TBC1D5: variants seen among roughly 807,000 people sequenced by gnomAD.
TBC1D5 encodes the protein TBC1 domain family member 5, also known as TBC1 domain family, member 5.
TBC1D5 carries 75 observed loss-of-function variants against 100.3 expected under a neutral mutation model. The observed-to-expected ratio is 0.75, with a 90% CI of 0.62 to 0.91. The LOEUF is 0.91. Ranked by LOEUF, TBC1D5 falls within the 40% of genes least tolerant of loss-of-function variation. TBC1D5 has a pLI of 0.00. For synonymous variants in TBC1D5, 323 were observed against 325.6 expected (o/e 0.99, Z 0.09); for missense variants, 910 against 942.4 (o/e 0.97, Z 0.45).
chr3:17,206,614 A>C (rs1028663764), intron 18 of TBC1D5, among the ~76,000 whole-genome samples: 1 of 152,200 alleles, frequency 6.6e-6, no homozygotes, highest in Non-Finnish European at 1.5e-5. Context: ...GAATGCACAC[A>C]GGGGTCACAG....
At chr3:17,544,579 A>G (rs1197911834) in intron 2 of TBC1D5, among the ~76,000 whole-genome samples, 1 of 148,584 alleles carries the variant, frequency 6.7e-6, no homozygotes, top group Admixed American at 6.8e-5. Context: ...TGAACCCGCG[A>G]GGCGGAGGTT....
intron 1 of TBC1D5, among the ~76,000 whole-genome samples, chr3:17,693,831 G>A (rs1024056316): frequency 1.6e-4 from 25 of 152,264 alleles, no homozygotes; most frequent in African/African-American, 3.6e-4. Flanking sequence ...TACCAATAGG[G>A]GCCGACAGAC....
chr3:17,166,820 CCTGGCCG>C lies in TBC1D5; in HGVS notation c.2034_2040del (p.Ser678ArgfsTer38), dbSNP rs1292212088. On this transcript the variant is annotated frameshift_variant, in exon 21 of 22. Coordinates refer to ENST00000253692, the Ensembl canonical transcript of TBC1D5. LOFTEE classifies it high-confidence loss of function. ...CTCTGGCCTTGGCCTCGGCCCTGGC[CCTGGCCG>C]CTGGAGCAGTAGTGGTTGTCCGCAA... 6.2e-7 allele frequency: 1 copy of C among 1,614,174 alleles called. No homozygotes were observed. The highest frequency in any genetic ancestry group is 1.7e-5 in the Admixed American group (1 of 60,014).
At chr3:17,498,033 G>C (rs756616680) in intron 3 of TBC1D5, among the ~76,000 whole-genome samples, 54 of 152,048 alleles carry the variant, frequency 3.6e-4, no homozygotes, top group Non-Finnish European at 6.5e-4. Context: ...AAATACTGGA[G>C]ATGTAAAAGA....
chr3:17,699,234 T>A (rs2072714335), intron 1 of TBC1D5, among the ~76,000 whole-genome samples: 1 of 131,086 alleles, frequency 7.6e-6, no homozygotes. Flanking sequence ...TGAGTTCATG[T>A]CCTTTGTAGG....
At chr3:17,378,304 G>C (rs1244327218) in intron 9 of TBC1D5, among the ~76,000 whole-genome samples, 1 of 151,512 alleles carries the variant, frequency 6.6e-6, no homozygotes, top group Non-Finnish European at 1.5e-5. Context: ...TTAAAGTCTG[G>C]TAGGATGTAT....
intron 16 of TBC1D5, among the ~76,000 whole-genome samples, chr3:17,242,984 T>C (rs1195339089): frequency 6.6e-6 from 1 of 152,116 alleles, no homozygotes; most frequent in Non-Finnish European, 1.5e-5. Context: ...TCAGTACCTG[T>C]GGAAATAATA....
At chr3:17,258,214 G>C (rs1050123852) in intron 16 of TBC1D5, among the ~76,000 whole-genome samples, 3 of 152,050 alleles carry the variant, frequency 2.0e-5, no homozygotes, top group Non-Finnish European at 4.4e-5. Context: ...AATCTAGAAA[G>C]AGATTATACA....
chr3:17,404,122 T>A (rs2093710561), intron 7 of TBC1D5, among the ~76,000 whole-genome samples: 1 of 152,100 alleles, frequency 6.6e-6, no homozygotes, highest in African/African-American at 2.4e-5. Flanking sequence ...GAAAGAGGAA[T>A]GCTAACACTA....
intron 1 of TBC1D5, among the ~76,000 whole-genome samples, chr3:17,695,107 G>A (rs573054953): frequency 6.8e-4 from 104 of 152,136 alleles, no homozygotes; most frequent in African/African-American, 2.3e-3. Flanking sequence ...CACTAAACAC[G>A]GAAAGAAACA....
chr3:17,732,998 T>C (rs1044178190), intron 1 of TBC1D5, among the ~76,000 whole-genome samples: 3 of 152,108 alleles, frequency 2.0e-5, no homozygotes, highest in Non-Finnish European at 2.9e-5. Context: ...AGAAAGCATA[T>C]AGTACTCCTG....
intron 3 of TBC1D5, among the ~76,000 whole-genome samples, chr3:17,461,959 A>G (rs1210628483): frequency 6.6e-6 from 1 of 151,992 alleles, no homozygotes; most frequent in Admixed American, 6.6e-5. Context: ...TCTCTCTCCA[A>G]TTCCCTCTGA....
At chr3:17,458,603 G>GT (rs2095140076) in intron 3 of TBC1D5, among the ~76,000 whole-genome samples, 1 of 152,098 alleles carries the variant, frequency 6.6e-6, no homozygotes, top group South Asian at 2.1e-4. Context: ...TCTTATCCAG[G>GT]TAAGTCAGTA....
chr3:17,312,563 G>C (rs1332540547), intron 13 of TBC1D5, among the ~76,000 whole-genome samples: 1 of 152,030 alleles, frequency 6.6e-6, no homozygotes, highest in African/African-American at 2.4e-5. Flanking sequence ...GCCTTTTTGG[G>C]AACACATGTT....
At chr3:17,431,787 G>A (rs1003132300) in intron 3 of TBC1D5, among the ~76,000 whole-genome samples, 2 of 151,966 alleles carry the variant, frequency 1.3e-5, no homozygotes, top group East Asian at 3.8e-4. Context: ...AGCCAGAAAG[G>A]ATAACTGTGA....
chr3:17,310,109 A>G (rs2083852193), intron 13 of TBC1D5, among the ~76,000 whole-genome samples: 1 of 152,050 alleles, frequency 6.6e-6, no homozygotes, highest in African/African-American at 2.4e-5. Flanking sequence ...AAAGTAGCCC[A>G]TTTCCTAGAA....
At chr3:17,650,607 T>C (rs2065456735) in intron 1 of TBC1D5, among the ~76,000 whole-genome samples, 1 of 152,172 alleles carries the variant, frequency 6.6e-6, no homozygotes, top group Non-Finnish European at 1.5e-5. Context: ...AAAAAAGTCA[T>C]ACTTTTGAAT....
exon 22 of TBC1D5, chr3:17,157,283 A>T (rs1444940080): frequency 6.6e-6 from 1 of 152,264 alleles, no homozygotes; most frequent in Non-Finnish European, 1.5e-5. Context: ...AAAAAGCGAT[A>T]GGGCATACAT....
chr3:17,506,570 C>G (rs2095846838), intron 3 of TBC1D5, among the ~76,000 whole-genome samples: 1 of 152,094 alleles, frequency 6.6e-6, no homozygotes, highest in African/African-American at 2.4e-5. Flanking sequence ...AGAACATCAG[C>G]ATACATTTAC....
Sources: allele counts gnomAD v4.1 joint callset (sites outside exome capture counted in the v4.1 genomes callset), GRCh38; gene constraint gnomAD v4.1.1; transcripts MANE v1.5; gene names NCBI Gene and HGNC (gene_info 2026-07-23, HGNC 2026-07-21).